MAGI3: variants seen among roughly 807,000 people sequenced by gnomAD.
MAGI3 encodes membrane-associated guanylate kinase, WW and PDZ domain-containing protein 3.
In MAGI3, 43 loss-of-function variants were observed where a neutral mutation model predicts 121.8. The ratio of observed to expected loss-of-function variants is 0.35; its 90% confidence interval spans 0.28 to 0.46. The LOEUF (loss-of-function observed/expected upper bound fraction) is 0.46, where lower values mean the gene tolerates loss of function less well. Ranked by LOEUF, MAGI3 falls within the 20% of genes least tolerant of loss-of-function variation. The pLI is 1.00. For synonymous variants in MAGI3, 553 were observed against 639.3 expected, an observed-to-expected ratio of 0.86 and a Z score of 2.04; for missense variants, 1,547 against 1,797.3, an observed-to-expected ratio of 0.86 and a Z score of 2.52.
At chr1:113,435,787 G>A (rs1393051416) in intron 1 of MAGI3, among the ~76,000 whole-genome samples, 6 of 152,114 alleles carry the variant, frequency 3.9e-5, no homozygotes, top group Non-Finnish European at 2.9e-5. Flanking sequence ...AAAAGGGACA[G>A]CAAAGAACTG....
chr1:113,439,538 C>G (rs1653809948), intron 1 of MAGI3, among the ~76,000 whole-genome samples: 1 of 152,096 alleles, frequency 6.6e-6, no homozygotes, highest in South Asian at 2.1e-4. Flanking sequence ...CTGATGTATG[C>G]CTTTAAGATG....
At chr1:113,408,439 T>G (rs970799285) in intron 1 of MAGI3, among the ~76,000 whole-genome samples, 13 of 152,262 alleles carry the variant, frequency 8.5e-5, no homozygotes, top group African/African-American at 2.9e-4. Context: ...TTCTGTCCTA[T>G]GGAATTAACT....
intron 6 of MAGI3, 152 bp from the exon 7 acceptor site, chr1:113,614,449 C>A: frequency 1.6e-6 from 1 of 635,186 alleles, no homozygotes. Context: ...GAAGAAGCCA[C>A]TCAGACTTAA....
At chr1:113,506,813 G>T (rs756657330) in intron 1 of MAGI3, among the ~76,000 whole-genome samples, 2 of 152,122 alleles carry the variant, frequency 1.3e-5, no homozygotes, top group African/African-American at 4.8e-5. Flanking sequence ...CTGGCACACC[G>T]GCATGAATGG....
intron 1 of MAGI3, among the ~76,000 whole-genome samples, chr1:113,503,511 G>A (rs1446789601): frequency 3.3e-5 from 5 of 151,674 alleles, no homozygotes; most frequent in African/African-American, 7.3e-5. Context: ...TTCACAGTAC[G>A]ATAATTTTTC....
At position 113,643,779 on chromosome 1, in the gene MAGI3, G is replaced by A; in HGVS notation, c.1998+5G>A. ...CCAACCAAAACTGCCAAAATGGTGA[G>A]TATACACTGGTCCTCAAATCTTTTC... On this transcript the variant is annotated splice_donor_5th_base_variant and intron_variant, in intron 11 of 20. Coordinates refer to ENST00000307546, the MANE Select transcript of MAGI3 (RefSeq NM_001142782.2). 1 of 1,613,012 alleles carries A rather than the reference G, an allele frequency of 6.2e-7. No individual in the cohort carries two copies. Among genetic ancestry groups the A allele is most frequent in the Non-Finnish European group, 8.5e-7 (1 of 1,179,214 alleles).
At chr1:113,413,738 G>A (rs946911880) in intron 1 of MAGI3, among the ~76,000 whole-genome samples, 1 of 152,134 alleles carries the variant, frequency 6.6e-6, no homozygotes, top group African/African-American at 2.4e-5. Flanking sequence ...TGTATCCTGC[G>A]ACTTTGCCGA....
chr1:113,682,836 C>T (rs974561376), intron 20 of MAGI3, 61 bp from the exon 21 acceptor site: 10 of 1,470,008 alleles, frequency 6.8e-6, no homozygotes, highest in South Asian at 1.5e-5. Context: ...AAGTTCAAAA[C>T]GTATTGTTCC....
At chr1:113,505,342 A>T (rs1657267355) in intron 1 of MAGI3, among the ~76,000 whole-genome samples, 1 of 152,114 alleles carries the variant, frequency 6.6e-6, no homozygotes, top group Non-Finnish European at 1.5e-5. Context: ...GCAAAAGCTC[A>T]GCAATAGGTT....
chr1:113,428,401 C>T (rs1653127425), intron 1 of MAGI3, among the ~76,000 whole-genome samples: 1 of 152,148 alleles, frequency 6.6e-6, no homozygotes, highest in South Asian at 2.1e-4. Context: ...ATCCTTTGCT[C>T]ACCACATTTG....
intron 2 of MAGI3, among the ~76,000 whole-genome samples, chr1:113,561,090 C>A (rs192509605): frequency 6.6e-6 from 1 of 152,126 alleles, no homozygotes; most frequent in East Asian, 1.9e-4. Flanking sequence ...CCTGAAGAGA[C>A]CAATAGCCAG....
At chr1:113,617,948 T>C (rs1482742592) in intron 7 of MAGI3, among the ~76,000 whole-genome samples, 1 of 152,190 alleles carries the variant, frequency 6.6e-6, no homozygotes, top group African/African-American at 2.4e-5. Flanking sequence ...TATTTAGAGC[T>C]CTTAAACTAT....
At chr1:113,620,455 G>A (rs1417260865) in intron 8 of MAGI3, among the ~76,000 whole-genome samples, 2 of 151,880 alleles carry the variant, frequency 1.3e-5, no homozygotes, top group African/African-American at 4.8e-5. Flanking sequence ...AATAACCAGG[G>A]GTATATATGG....
At chr1:113,614,723 A>T (rs1650354785) in intron 7 of MAGI3, 65 bp downstream of exon 7, 2 of 1,114,384 alleles carry the variant, frequency 1.8e-6, no homozygotes, top group Non-Finnish European at 2.7e-6. Flanking sequence ...GCTTTAGAGA[A>T]TACTGGATAC....
intron 2 of MAGI3, among the ~76,000 whole-genome samples, chr1:113,558,527 A>G (rs1471898852): frequency 6.6e-6 from 1 of 152,194 alleles, no homozygotes; most frequent in Non-Finnish European, 1.5e-5. Flanking sequence ...ATGAAAATGA[A>G]TGAACAAAAC....
chr1:113,520,027 T>C (rs968418757), intron 1 of MAGI3, among the ~76,000 whole-genome samples: 14 of 152,212 alleles, frequency 9.2e-5, no homozygotes, highest in African/African-American at 3.4e-4. Flanking sequence ...TAGGTAAAGT[T>C]TGTCTATCAT....
At chr1:113,476,701 G>C (rs1196599505) in intron 1 of MAGI3, among the ~76,000 whole-genome samples, 1 of 152,204 alleles carries the variant, frequency 6.6e-6, no homozygotes, top group Non-Finnish European at 1.5e-5. Context: ...ATATTCTGTT[G>C]ATTTGGGATG....
chr1:113,409,777 G>GT (rs1651878676), intron 1 of MAGI3, among the ~76,000 whole-genome samples: 1 of 151,932 alleles, frequency 6.6e-6, no homozygotes, highest in South Asian at 2.1e-4. Context: ...TTTTTCCATT[G>GT]TGTAATAGGT....
intron 1 of MAGI3, among the ~76,000 whole-genome samples, chr1:113,503,736 A>G (rs1299771618): frequency 1.3e-5 from 2 of 152,080 alleles, no homozygotes; most frequent in Non-Finnish European, 2.9e-5. Flanking sequence ...ATTAAATCTA[A>G]TTTGCATTCT....
Sources: allele counts gnomAD v4.1 joint callset (sites outside exome capture counted in the v4.1 genomes callset), GRCh38; gene constraint gnomAD v4.1.1; transcripts MANE v1.5; gene names NCBI Gene and HGNC (gene_info 2026-07-23, HGNC 2026-07-21).